LIN9: variants seen among roughly 807,000 people sequenced by gnomAD.
LIN9 encodes protein lin-9 homolog.
Under a neutral mutation model 78.0 loss-of-function variants are expected in LIN9, and 18 were observed. That is an observed-to-expected ratio of 0.23 (90% CI 0.16 to 0.34). The LOEUF (loss-of-function observed/expected upper bound fraction) is 0.34. Among genes scored for constraint, LIN9 ranks in the 10% least tolerant of loss-of-function variants. The probability of loss-of-function intolerance (pLI) is 1.00; values close to 1 mark genes in which losing one functional copy is unlikely to be tolerated. For synonymous variants in LIN9, 192 were observed against 215.2 expected, an observed-to-expected ratio of 0.89 and a Z score of 0.94; for missense variants, 451 against 644.1, an observed-to-expected ratio of 0.70 and a Z score of 3.25.
intron 8 of LIN9, 22 bp from the exon 9 acceptor site, chr1:226,266,354 C>T (rs1271557361): frequency 1.3e-6 from 2 of 1,570,362 alleles, no homozygotes; most frequent in Non-Finnish European, 1.7e-6. Flanking sequence ...GAATAATTCA[C>T]AAAACTTAAA....
At chr1:226,285,832 T>C (rs1190500071) in intron 6 of LIN9, among the ~76,000 whole-genome samples, 1 of 152,170 alleles carries the variant, frequency 6.6e-6, no homozygotes, top group Non-Finnish European at 1.5e-5. Context: ...TACAGCATCC[T>C]TAAATACTTT....
chr1:226,263,331 C>T (rs1252016569), intron 10 of LIN9, among the ~76,000 whole-genome samples: 2 of 151,938 alleles, frequency 1.3e-5, no homozygotes, highest in Admixed American at 6.6e-5. Flanking sequence ...AACAAATGTA[C>T]CATCTGCTGG....
At position 226,241,143 on chromosome 1, in the gene LIN9, A is replaced by G. The variant is rs746383266; in HGVS notation, c.1120-2047T>C. On this transcript the variant is annotated intron_variant, in intron 11 of 14. Transcript: ENST00000681046. ...CAGGACATCCTACTTTTAGTTTACCATTGGTGCTTCCTGAATTGCTTCCTA... is the reference window on the plus strand; with the variant it reads ...CAGGACATCCTACTTTTAGTTTACCGTTGGTGCTTCCTGAATTGCTTCCTA... Among the ~76,000 whole-genome samples the G allele has an allele frequency of 3.1e-4, 47 of 152,324 alleles. 1 individual carries two copies. Among genetic ancestry groups the G allele is most frequent in the Non-Finnish European group, 6.0e-4 (41 of 68,034 alleles).
intron 10 of LIN9, among the ~76,000 whole-genome samples, chr1:226,260,942 G>T (rs960144086): frequency 1.5e-4 from 23 of 151,720 alleles, no homozygotes; most frequent in African/African-American, 5.6e-4. Context: ...ACCGCACCCG[G>T]CCCCAAGTGA....
Position 226,265,824 on chromosome 1 carries a change from G to A in LIN9, c.937-190C>T, listed in dbSNP as rs1482371323. ...CTCCCGAGCAGCTGGGATTACAGGC[G>A]CGCGCCACCACGCCCAGCTAATTTT... On this transcript the variant is annotated intron_variant, in intron 9 of 14. Transcript: ENST00000681046. The surrounding 1 kb of genome is among the most constrained non-coding windows in gnomAD (Gnocchi z 4.1). 1.3e-5 allele frequency among the ~76,000 whole-genome samples: 2 copies of A among 151,774 alleles called. No homozygotes were observed. Among genetic ancestry groups the A allele is most frequent in the Non-Finnish European group, 1.5e-5 (1 of 67,960 alleles).
chr1:226,271,677 A>G (rs1333446549), intron 7 of LIN9, among the ~76,000 whole-genome samples: 1 of 152,182 alleles, frequency 6.6e-6, no homozygotes, highest in Non-Finnish European at 1.5e-5. Context: ...ACTGGAAGTG[A>G]GGTGTTAAAA....
intron 4 of LIN9, among the ~76,000 whole-genome samples, chr1:226,295,423 T>C (rs918068194): frequency 2.8e-4 from 42 of 152,078 alleles, no homozygotes; most frequent in African/African-American, 1.0e-3. Context: ...TACTCCAGCC[T>C]GGGCGACAGA....
chr1:226,278,588 C>T (rs901922382), intron 6 of LIN9, among the ~76,000 whole-genome samples: 3 of 151,868 alleles, frequency 2.0e-5, no homozygotes, highest in Non-Finnish European at 2.9e-5. Context: ...GTATGGGAGG[C>T]CACGGCGGGT....
At chr1:226,299,697 G>C (rs1046186065) in intron 2 of LIN9, among the ~76,000 whole-genome samples, 1 of 152,032 alleles carries the variant, frequency 6.6e-6, no homozygotes, top group Non-Finnish European at 1.5e-5. Context: ...TAGCTTTAAA[G>C]ACTAAAAGTA....
At chr1:226,247,674 C>CTTT (rs35184021) in intron 11 of LIN9, among the ~76,000 whole-genome samples, 36 of 138,906 alleles carry the variant, frequency 2.6e-4, no homozygotes, top group African/African-American at 6.4e-4. Flanking sequence ...TGTTTTCTTT[C>CTTT]TTTTTTTTTT....
intron 10 of LIN9, among the ~76,000 whole-genome samples, chr1:226,260,628 G>GTTTTTTTTTTTTTTTTTTTTTT (rs559460640): frequency 1.4e-5 from 1 of 73,438 alleles, no homozygotes; most frequent in Non-Finnish European, 2.6e-5. Flanking sequence ...GGCCAAATGA[G>GTTTTTTTTTTTTTTTTTTTTTT]TTTTTTTTTT....
intron 2 of LIN9, among the ~76,000 whole-genome samples, chr1:226,300,781 G>A (rs1054402165): frequency 6.6e-6 from 1 of 152,074 alleles, no homozygotes; most frequent in African/African-American, 2.4e-5. Flanking sequence ...GCTTGAGCCT[G>A]GGACGCAGAG....
Position 226,265,671 on chromosome 1 carries a change from A to T in LIN9, c.937-37T>A. 1 of 1,075,566 alleles carries T rather than the reference A, an allele frequency of 9.3e-7. No homozygotes were observed. Among genetic ancestry groups the T allele is most frequent in the Non-Finnish European group, 1.4e-6 (1 of 710,814 alleles). The allele number at this position is 1,075,566 out of a possible 1,614,324, so 66.6% of individuals were successfully genotyped here. On this transcript the variant is annotated intron_variant, in intron 9 of 14. Transcript: ENST00000681046. This position sits in a 1 kb window ranked among gnomAD's most constrained non-coding sequence, Gnocchi z 4.1. Reference sequence around the variant, plus strand: ...AAAAGGAATTATTTAATCATTGACTATTCAGAGGAAGTATCTTATTTTTTT... The same window carrying T: ...AAAAGGAATTATTTAATCATTGACTTTTCAGAGGAAGTATCTTATTTTTTT...
chr1:226,263,018 G>A (rs1659691125), intron 10 of LIN9, among the ~76,000 whole-genome samples: 3 of 152,138 alleles, frequency 2.0e-5, no homozygotes, highest in Admixed American at 6.6e-5. Flanking sequence ...ATACTAGTAA[G>A]TGAAAGAAAC....
rs577654769 is a variant in LIN9, at chr1:226,307,969, A to G, written c.31+1140T>C. On this transcript the variant is annotated intron_variant, in intron 1 of 14. Coordinates refer to ENST00000681046, the MANE Select transcript of LIN9 (RefSeq NM_001366245.2). ...AACACTTTTAATACGACTTTTCACCAGCTTGGCAACTTGAATTTTTAACTT... is the reference window on the plus strand; with the variant it reads ...AACACTTTTAATACGACTTTTCACCGGCTTGGCAACTTGAATTTTTAACTT... 1.1e-3 allele frequency among the ~76,000 whole-genome samples: 171 copies of G among 152,328 alleles called. 1 individual carries two copies. The highest frequency in any genetic ancestry group is 3.8e-3 in the African/African-American group (158 of 41,576).
At chr1:226,309,287 C>A, upstream of LIN9, 1 of 1,073,864 alleles carries the variant, frequency 9.3e-7, no homozygotes, top group Non-Finnish European at 1.1e-6. Context: ...CTGAGGCGGG[C>A]CCGGCTCCGC....
chr1:226,251,740 T>G (rs1426086947), intron 10 of LIN9, among the ~76,000 whole-genome samples: 1 of 152,186 alleles, frequency 6.6e-6, no homozygotes, highest in Non-Finnish European at 1.5e-5. Flanking sequence ...CTAGGACATG[T>G]CAAAAGGACT....
chr1:226,232,767 G>A, intron 14 of LIN9, 161 bp from the exon 15 acceptor site: 1 of 526,774 alleles, frequency 1.9e-6, no homozygotes, highest in Non-Finnish European at 3.3e-6. Flanking sequence ...TTCAGTAGTA[G>A]TTGAACAAAT....
At chr1:226,258,914 A>AC (rs1659387004) in intron 10 of LIN9, among the ~76,000 whole-genome samples, 1 of 148,822 alleles carries the variant, frequency 6.7e-6, no homozygotes, top group Admixed American at 6.7e-5. Flanking sequence ...AAAAAAAAAA[A>AC]AAAAAAAAAA....
Sources: gnomAD v4.1 joint callset for allele counts (sites outside exome capture counted in the v4.1 genomes callset) on GRCh38, gnomAD v4.1.1 for gene constraint, Gnocchi (gnomAD v3.1) non-coding constraint, MANE v1.5 for transcripts, NCBI Gene and HGNC (gene_info 2026-07-23, HGNC 2026-07-21) for gene names.